Variants in GOT1 observed in about 807,000 individuals in gnomAD.
GOT1 encodes glutamic-oxaloacetic transaminase 1, also known as aspartate aminotransferase, cytoplasmic.
In GOT1, 25 loss-of-function variants were observed where a neutral mutation model predicts 48.2. The observed-to-expected ratio is 0.52, with a 90% CI of 0.38 to 0.72. GOT1 has a LOEUF of 0.72. Ranked by LOEUF, GOT1 falls within the 30% of genes least tolerant of loss-of-function variation. The probability of loss-of-function intolerance (pLI) is 0.00; values close to 1 mark genes in which losing one functional copy is unlikely to be tolerated. For missense variants in GOT1, 380 were observed against 520.1 expected (o/e 0.73, Z 2.62); for synonymous variants, 188 against 193.8 (o/e 0.97, Z 0.25).
chr10:99,398,816 C>T (rs1340694828), intron 8 of GOT1, among the ~76,000 whole-genome samples: 1 of 152,180 alleles, frequency 6.6e-6, no homozygotes, highest in Non-Finnish European at 1.5e-5. Flanking sequence ...AGCACTGCAT[C>T]TTAGTTCATC....
In GOT1 at chr10:99,416,921, A is replaced by C. The variant is rs1379131045; in HGVS notation, c.300+3703T>G. On this transcript the variant is annotated intron_variant, in intron 2 of 8. Transcript: ENST00000370508. ...ATCCCTTCCTTACACCTTATACAAA[A>C]ATTAATTCAAGATGGATTAAAGACT... 2.0e-5 allele frequency among the ~76,000 whole-genome samples: 3 copies of C among 152,332 alleles called. No homozygotes were observed. The East Asian group carries it at 5.8e-4, about 29-fold the overall frequency.
intron 2 of GOT1, among the ~76,000 whole-genome samples, chr10:99,408,101 C>T: frequency 6.6e-6 from 1 of 152,116 alleles, no homozygotes; most frequent in East Asian, 1.9e-4. Context: ...TTACAAAATG[C>T]TTTCATGTAT....
In GOT1 at chr10:99,420,607, C is replaced by G. The variant is rs374199190; in HGVS notation, c.300+17G>C. On this transcript the variant is annotated intron_variant, in intron 2 of 8. Transcript: ENST00000370508. The stretch of plus-strand genomic sequence containing the variant: ...TTCAGTTTCTAAAGAGAAAATACAT[C>G]CTTACCCAAAACTTACCCGCTTCTC... 2 of 1,584,204 alleles carry G rather than the reference C, an allele frequency of 1.3e-6. No individual in the cohort carries two copies. The highest frequency in any genetic ancestry group is 2.7e-5 in the African/African-American group (2 of 73,766).
At chr10:99,401,975 T>C (rs1003551261) in intron 8 of GOT1, among the ~76,000 whole-genome samples, 2 of 151,810 alleles carry the variant, frequency 1.3e-5, no homozygotes, top group Admixed American at 6.5e-5. Flanking sequence ...GCCCGGCTAA[T>C]TTTTTTGTAT....
chr10:99,430,419 G>A, intron 1 of GOT1, 29 bp downstream of exon 1: 1 of 1,601,466 alleles, frequency 6.2e-7, no homozygotes, highest in Non-Finnish European at 8.5e-7. Flanking sequence ...TCCCCGAGCT[G>A]CTCACACTCC....
At chr10:99,402,870 A>C (rs1384846416) in intron 7 of GOT1, 148 bp from the exon 8 acceptor site, 1 of 656,936 alleles carries the variant, frequency 1.5e-6, no homozygotes, top group Non-Finnish European at 2.7e-6. Flanking sequence ...GGATGGGTGG[A>C]TTAACATACC....
At chr10:99,424,281 C>T (rs2033009564) in intron 1 of GOT1, among the ~76,000 whole-genome samples, 1 of 152,130 alleles carries the variant, frequency 6.6e-6, no homozygotes, top group Admixed American at 6.5e-5. Context: ...TGCATCATCT[C>T]CATTGAAAAG....
intron 8 of GOT1, among the ~76,000 whole-genome samples, chr10:99,400,505 G>C (rs547334025): frequency 4.6e-5 from 7 of 152,192 alleles, no homozygotes; most frequent in Admixed American, 4.6e-4. Context: ...GGGCATGGTG[G>C]TTCACGCCTG....
chr10:99,405,286 C>T (rs2032739893), intron 5 of GOT1, among the ~76,000 whole-genome samples: 1 of 152,066 alleles, frequency 6.6e-6, no homozygotes, highest in African/African-American at 2.4e-5. Flanking sequence ...AATTTTGTTA[C>T]ATAATTTTTC....
At chr10:99,409,374 G>C (rs112815892) in intron 2 of GOT1, among the ~76,000 whole-genome samples, 4,838 of 152,074 alleles carry the variant, frequency 0.032, 218 homozygotes, top group East Asian at 0.23. Context: ...CTCGTGATCC[G>C]CCTGCCTCGG....
intron 2 of GOT1, among the ~76,000 whole-genome samples, chr10:99,409,929 G>A (rs927948985): frequency 6.6e-6 from 1 of 152,184 alleles, no homozygotes; most frequent in Non-Finnish European, 1.5e-5. Flanking sequence ...GTATTTATAG[G>A]TGTGAGCATC....
intron 2 of GOT1, among the ~76,000 whole-genome samples, chr10:99,410,470 A>G (rs1210960847): frequency 6.6e-6 from 1 of 152,230 alleles, no homozygotes; most frequent in African/African-American, 2.4e-5. Context: ...CCCACTACAG[A>G]AAGCAAATTC....
At chr10:99,427,369 C>T (rs1251895485) in intron 1 of GOT1, among the ~76,000 whole-genome samples, 3 of 152,096 alleles carry the variant, frequency 2.0e-5, no homozygotes, top group East Asian at 1.9e-4. Context: ...CCTGGGTTCA[C>T]GCCATTCTCC....
intron 1 of GOT1, among the ~76,000 whole-genome samples, chr10:99,430,011 C>G (rs137872181): frequency 6.6e-6 from 1 of 152,292 alleles, no homozygotes; most frequent in East Asian, 1.9e-4. Flanking sequence ...TCGGTGGTCA[C>G]TCAAATATTT....
rs543671501 is a variant in GOT1 at position 99,412,735 on chromosome 10, C to T, written c.301-5886G>A. On this transcript the variant is annotated intron_variant, in intron 2 of 8. Transcript: ENST00000370508. The stretch of plus-strand genomic sequence containing the variant: ...TGATACCTCACATGGCCGGGTACCC[C>T]TCTGAGACGAAACTTCCAGAGGAAC... 3.7e-3 allele frequency among the ~76,000 whole-genome samples: 557 copies of T among 152,228 alleles called. 1 individual carries two copies. The highest frequency in any genetic ancestry group is 0.013 in the African/African-American group (523 of 41,560).
In GOT1 at chr10:99,406,177, T is replaced by C; in HGVS notation, c.497A>G (p.Lys166Arg). The C allele has an allele frequency of 6.2e-7, 1 of 1,613,820 alleles. No individual in the cohort carries two copies. Among genetic ancestry groups the C allele is most frequent in the Middle Eastern group, 1.6e-4 (1 of 6,062 alleles). Reference protein sequence around the residue: ...IRSYRYWDAEKRGLDLQGFLN... With the variant: ...IRSYRYWDAERRGLDLQGFLN... ...GAAGCCCTGGAGGTCCAATCCTCTCTTCTCTGCATCCCAGTAGCGATAGGA... is the reference window on the plus strand; with the variant it reads ...GAAGCCCTGGAGGTCCAATCCTCTCCTCTCTGCATCCCAGTAGCGATAGGA... Residue 166 changes from lysine (K) to arginine (R), a missense_variant, in exon 4 of 9, where the codon AAG becomes AGG. By Grantham distance (26) the Lys-to-Arg change is conservative. Transcript: ENST00000370508.
chr10:99,423,148 C>T (rs942453018), intron 1 of GOT1, among the ~76,000 whole-genome samples: 19 of 152,166 alleles, frequency 1.2e-4, no homozygotes, highest in Non-Finnish European at 2.2e-4. Context: ...CACAGCCTTA[C>T]GCACTGAGTG....
chr10:99,406,676 TA>T, intron 3 of GOT1, 49 bp downstream of exon 3: 2 of 1,585,108 alleles, frequency 1.3e-6, no homozygotes, highest in South Asian at 2.2e-5. Flanking sequence ...GTCATGAGGA[TA>T]ATTCTCTCTG....
chr10:99,422,550 T>C (rs529138306), intron 1 of GOT1, among the ~76,000 whole-genome samples: 56 of 152,246 alleles, frequency 3.7e-4, no homozygotes, highest in South Asian at 2.9e-3. Flanking sequence ...TACTATGCAT[T>C]TTTCCTCCTC....
Sources: gnomAD v4.1 joint callset for allele counts (sites outside exome capture counted in the v4.1 genomes callset) on GRCh38, gnomAD v4.1.1 for gene constraint, MANE v1.5 for transcripts, NCBI Gene and HGNC (gene_info 2026-07-23, HGNC 2026-07-21) for gene names.